Variants in ITPR3 observed in about 807,000 individuals in gnomAD.
The protein encoded by ITPR3 is inositol 1,4,5-trisphosphate-gated calcium channel ITPR3.
In ITPR3, 173 loss-of-function variants were observed where a neutral mutation model predicts 293.2. The observed-to-expected ratio is 0.59, with a 90% confidence interval of 0.52 to 0.67. ITPR3 has a LOEUF of 0.67. Among genes scored for constraint, ITPR3 ranks in the 30% least tolerant of loss-of-function variants. The pLI is 0.00. For missense variants in ITPR3, 2,796 were observed against 3,592.1 expected (o/e 0.78, Z 5.66); for synonymous variants, 1,295 against 1,444.4 (o/e 0.90, Z 2.35).
chr6:33,686,280 C>T (rs1765227044), intron 42 of ITPR3, 27 bp downstream of exon 42: 1 of 1,609,090 alleles, frequency 6.2e-7, no homozygotes, highest in Non-Finnish European at 8.5e-7. Context: ...GCATAAGTGG[C>T]AGCCAGGGTG....
Position 33,692,696 on chromosome 6 carries a change from C to T in ITPR3, c.7459-32C>T, listed in dbSNP as rs1270293246. ...TTGCCCCAGTGAATGTGGGGACCAC[C>T]GGGCCCAGCCTCCCTGCCTCATCCC... On this transcript the variant is annotated intron_variant, in intron 54 of 57. Transcript: ENST00000605930. This position sits in a 1 kb window ranked among gnomAD's most constrained non-coding sequence, Gnocchi z 4.2. 7.5e-6 allele frequency: 12 copies of T among 1,608,662 alleles called. No homozygotes were observed. The highest frequency in any genetic ancestry group is 1.7e-4 in the Middle Eastern group (1 of 6,024).
Position 33,683,516 on chromosome 6 carries a change from G to A in ITPR3, c.4788+119G>A. The A allele has an allele frequency of 1.1e-6, 1 of 899,926 alleles. No individual in the cohort carries two copies. Among genetic ancestry groups the A allele is most frequent in the Non-Finnish European group, 1.6e-6 (1 of 618,078 alleles). The allele number at this position is 899,926 out of a possible 1,614,324, so 55.7% of individuals were successfully genotyped here. A position where few individuals can be genotyped will look rare whatever the true frequency, so the allele number is the denominator to read the frequency against. ...TCTTCCTGTCCTGCCCACACTTCCA[G>A]GAAGGGGCTGGTTGGCTTCTCTACA... On this transcript the variant is annotated intron_variant, in intron 35 of 57. Transcript: ENST00000605930. This position sits in a 1 kb window ranked among gnomAD's most constrained non-coding sequence, Gnocchi z 4.5.
At chr6:33,665,355 C>T in intron 13 of ITPR3, 142 bp downstream of exon 13, 1 of 1,103,708 alleles carries the variant, frequency 9.1e-7, no homozygotes, top group Non-Finnish European at 1.3e-6. Flanking sequence ...CCTGGCTGAG[C>T]CTGGGACCCT....
chr6:33,639,609 C>T (rs1445585220), intron 1 of ITPR3, among the ~76,000 whole-genome samples: 4 of 152,060 alleles, frequency 2.6e-5, no homozygotes, highest in African/African-American at 7.2e-5. Context: ...GCCTTTGACA[C>T]GGTGGGTGAT....
rs1302155687 is a variant in ITPR3, at chr6:33,668,391, CCTTGGG to C, written c.1887-123_1887-118del. ...GGAGTCCATCCCACCCATCTCTAAG[CCTTGGG>C]AGGGAGCTAGTTCCAGGGTGGCGGT... On this transcript the variant is annotated intron_variant, in intron 16 of 57. Coordinates refer to ENST00000605930, the MANE Select transcript of ITPR3 (RefSeq NM_002224.4). 14 of 1,309,840 alleles carry C rather than the reference CCTTGGG, an allele frequency of 1.1e-5. No individual in the cohort carries two copies. The African/African-American group carries it at 2.0e-4, about 19-fold the overall frequency. The allele number at this position is 1,309,840 out of a possible 1,614,324, so 81.1% of individuals were successfully genotyped here. A position where few individuals can be genotyped will look rare whatever the true frequency, so the allele number is the denominator to read the frequency against.
chr6:33,667,695 T>A lies in ITPR3; in HGVS notation c.1714-97T>A, dbSNP rs1487023685. 1 of 1,365,140 alleles carries A rather than the reference T, an allele frequency of 7.3e-7. No homozygotes were observed. The highest frequency in any genetic ancestry group is 1.0e-6 in the Non-Finnish European group (1 of 988,784). 84.6% of individuals were successfully genotyped at this position (1,365,140 alleles called of 1,614,324 possible). On this transcript the variant is annotated intron_variant, in intron 15 of 57. Coordinates refer to ENST00000605930, the MANE Select transcript of ITPR3 (RefSeq NM_002224.4). This position sits in a 1 kb window ranked among gnomAD's most constrained non-coding sequence, Gnocchi z 4.4. ...ACCTCTGCCTTTCTAGGGTATTGGGTCCTTACCTCGGGGTTTGGGGGCAGC... is the reference window on the plus strand; with the variant it reads ...ACCTCTGCCTTTCTAGGGTATTGGGACCTTACCTCGGGGTTTGGGGGCAGC...
At chr6:33,626,998 G>A (rs145701183) in intron 1 of ITPR3, among the ~76,000 whole-genome samples, 29 of 152,250 alleles carry the variant, frequency 1.9e-4, no homozygotes, top group African/African-American at 7.0e-4. Flanking sequence ...AGTAGAGATG[G>A]GGTTTCTCCA....
At chr6:33,660,185 G>A (rs1400802909) in intron 7 of ITPR3, among the ~76,000 whole-genome samples, 1 of 152,164 alleles carries the variant, frequency 6.6e-6, no homozygotes, top group Non-Finnish European at 1.5e-5. Flanking sequence ...GGGCTGCAAG[G>A]GATGGAACCA....
At chr6:33,646,849 C>G (rs1486238562) in intron 2 of ITPR3, among the ~76,000 whole-genome samples, 1 of 151,780 alleles carries the variant, frequency 6.6e-6, no homozygotes, top group South Asian at 2.1e-4. Context: ...GCCAGGAGGT[C>G]AAGTCTGCAG....
intron 51 of ITPR3, 65 bp from the exon 52 acceptor site, chr6:33,690,852 G>T: frequency 6.8e-7 from 1 of 1,468,074 alleles, no homozygotes; most frequent in East Asian, 2.3e-5. Flanking sequence ...TCCAGTGGCA[G>T]CCCCAGTGAG....
chr6:33,690,094 G>C lies in ITPR3; in HGVS notation c.6928G>C (p.Gly2310Arg). 6.2e-7 allele frequency: 1 copy of C among 1,614,150 alleles called. No homozygotes were observed. Residue 2310 changes from glycine to arginine, a missense_variant, in exon 51 of 58, where the codon GGC (glycine) becomes CGC (arginine). Gly to Arg is a moderately radical substitution (Grantham distance 125). Around this residue, in one of 8 missense-constraint regions of ITPR3, gnomAD observed 568 missense variants for 796.1 expected, o/e 0.71. Transcript: ENST00000605930. Reference sequence around the variant, plus strand: ...GGGCAACCGTGGCACCTTCATCCGGGGCTATAAGGCCATGGTCATGGACAT... The same window carrying C: ...GGGCAACCGTGGCACCTTCATCCGGCGCTATAAGGCCATGGTCATGGACAT... Reference protein sequence around the residue: ...FVGNRGTFIRGYKAMVMDMEF... With the variant: ...FVGNRGTFIRRYKAMVMDMEF...
Position 33,687,364 on chromosome 6 carries a change from CT to C in ITPR3, c.6177+38del, listed in dbSNP as rs1765260844. On this transcript the variant is annotated intron_variant, in intron 45 of 57. Transcript: ENST00000605930. The surrounding 1 kb of genome is among the most constrained non-coding windows in gnomAD (Gnocchi z 5.3). ...ACCCGTGGCAACGGCCATCACCCCC[CT>C]GGCCACCATACCCCGCCCCAGCTGC... is the stretch of plus-strand genomic sequence containing the variant. The C allele has an allele frequency of 2.0e-6, 3 of 1,526,116 alleles. No homozygotes were observed. Among genetic ancestry groups the C allele is most frequent in the Non-Finnish European group, 2.7e-6 (3 of 1,109,612 alleles). The allele number at this position is 1,526,116 out of a possible 1,614,324, so 94.5% of individuals were successfully genotyped here.
At position 33,655,713 on chromosome 6, in the gene ITPR3, GCCCTGAGCCCCAGATGAATCATTC is replaced by G; in HGVS notation, c.161-48_161-25del. On this transcript the variant is annotated intron_variant, in intron 2 of 57. Transcript: ENST00000605930. The surrounding 1 kb of genome is among the most constrained non-coding windows in gnomAD (Gnocchi z 4.9). The stretch of plus-strand genomic sequence containing the variant: ...CAGGCTGGGGTTTTCTCCAGGGAGG[GCCCTGAGCCCCAGATGAATCATTC>G]CCCTCACCCCCAACCTGCCCCACCA... The G allele has an allele frequency of 6.2e-7, 1 of 1,610,788 alleles. No individual in the cohort carries two copies. The highest frequency in any genetic ancestry group is 8.5e-7 in the Non-Finnish European group (1 of 1,177,998).
rs748147185 is a variant in ITPR3, at chr6:33,665,878, G to A, written c.1453G>A (p.Asp485Asn). The change falls in exon 14 of 58, where the codon GAT (aspartate) becomes AAT (asparagine). Residue 485 changes from aspartate (D) to asparagine (N), a missense_variant. This residue lies in a region of ITPR3 where 955 missense variants were observed against 1,180.8 expected (regional missense o/e 0.81). Coordinates refer to ENST00000605930, the MANE Select transcript of ITPR3 (RefSeq NM_002224.4). ...GGAAGACCTGGTGTTCTTTGTCAGCGATGTCCCCAACAATGGGCAGAATGT... is the reference window on the plus strand; with the variant it reads ...GGAAGACCTGGTGTTCTTTGTCAGCAATGTCCCCAACAATGGGCAGAATGT... ...LLEDLVFFVS[D>N]VPNNGQNVLD... The A allele has an allele frequency of 1.4e-5, 23 of 1,614,138 alleles. No homozygotes were observed. The highest frequency in any genetic ancestry group is 8.0e-5 in the African/African-American group (6 of 75,042).
chr6:33,629,327 A>T (rs1299439914), intron 1 of ITPR3, among the ~76,000 whole-genome samples: 1 of 152,288 alleles, frequency 6.6e-6, no homozygotes, highest in East Asian at 1.9e-4. Flanking sequence ...GGCCCAATCC[A>T]TAGTCAGATG....
At position 33,679,718 on chromosome 6, in the gene ITPR3, G is replaced by A. The variant is rs1765015111; in HGVS notation, c.3973-164G>A. On this transcript the variant is annotated intron_variant, in intron 30 of 57. Transcript: ENST00000605930. This position sits in a 1 kb window ranked among gnomAD's most constrained non-coding sequence, Gnocchi z 4.2. Reference sequence around the variant, plus strand: ...ATATCTCTGCTGGCAGAGGGCCTGAGACATCAGCTGGGGAACCCCCAAATC... The same window carrying A: ...ATATCTCTGCTGGCAGAGGGCCTGAAACATCAGCTGGGGAACCCCCAAATC... Among the ~76,000 whole-genome samples the A allele has an allele frequency of 6.6e-6, 1 of 152,166 alleles. No individual in the cohort carries two copies. Among genetic ancestry groups the A allele is most frequent in the African/African-American group, 2.4e-5 (1 of 41,428 alleles).
rs1396025540 is a variant in ITPR3, at chr6:33,679,894, G to A, written c.3985G>A (p.Gly1329Ser). The A allele has an allele frequency of 3.1e-6, 5 of 1,613,260 alleles. No individual in the cohort carries two copies. Among genetic ancestry groups the A allele is most frequent in the East Asian group, 2.2e-5 (1 of 44,844 alleles). ...CTCCCACCCGCAGCTGACCAATGCA[G>A]GTGACGATGTGGTCGTGTTCTACAA... ...DMIMTELTNA[G>S]DDVVVFYNDK... Residue 1329 changes from glycine (G) to serine (S), a missense_variant, in exon 31 of 58, where the codon GGT (glycine) becomes AGT (serine). This residue lies in a region of ITPR3 where 344 missense variants were observed against 460.3 expected (regional missense o/e 0.75). Coordinates refer to ENST00000605930, the MANE Select transcript of ITPR3 (RefSeq NM_002224.4). This position sits in a 1 kb window ranked among gnomAD's most constrained non-coding sequence, Gnocchi z 4.2.
Position 33,662,811 on chromosome 6 carries a change from T to C in ITPR3, c.859-100T>C, listed in dbSNP as rs796416122. On this transcript the variant is annotated intron_variant, in intron 8 of 57. Transcript: ENST00000605930. ...TCCAGAGTCAAAAGGCCAGAGAGGG[T>C]CCAGAACCCACCCACCCAGAGATCT... 6 of 1,490,900 alleles carry C rather than the reference T, an allele frequency of 4.0e-6. No homozygotes were observed. In the African/African-American group the frequency reaches 8.3e-5, roughly 21 times the overall value. 92.4% of individuals were successfully genotyped at this position (1,490,900 alleles called of 1,614,324 possible).
In ITPR3 at chr6:33,633,772, GGGGCCGGACGCCCGGAGCTCGC is replaced by G. The variant is rs1763743673; in HGVS notation, c.90-6704_90-6683del. Among the ~76,000 whole-genome samples, 1 of 145,554 alleles carries G rather than the reference GGGGCCGGACGCCCGGAGCTCGC, an allele frequency of 6.9e-6. No homozygotes were observed. Among genetic ancestry groups the G allele is most frequent in the Admixed American group, 6.8e-5 (1 of 14,698 alleles). On this transcript the variant is annotated intron_variant, in intron 1 of 57. Coordinates refer to ENST00000605930, the MANE Select transcript of ITPR3 (RefSeq NM_002224.4). This position sits in a 1 kb window ranked among gnomAD's most constrained non-coding sequence, Gnocchi z 5.2. The stretch of plus-strand genomic sequence containing the variant: ...CGGGGGCGGGGGCGGGGCCGGGGCC[GGGGCCGGACGCCCGGAGCTCGC>G]GGGCCGGGCCAGGCTGGGGGCGGGG...
Sources: allele counts gnomAD v4.1 joint callset (sites outside exome capture counted in the v4.1 genomes callset), GRCh38; gene constraint gnomAD v4.1.1; regional missense constraint gnomAD v4.1.1; non-coding constraint Gnocchi (gnomAD v3.1); transcripts MANE v1.5; gene names NCBI Gene and HGNC (gene_info 2026-07-23, HGNC 2026-07-21).